The following POLRMT variants were observed in gnomAD, a reference collection of about 807,000 sequenced individuals.
POLRMT encodes the protein RNA polymerase mitochondrial.
Under a neutral mutation model 132.2 loss-of-function variants are expected in POLRMT, and 114 were observed. The ratio of observed to expected loss-of-function variants is 0.86; its 90% CI spans 0.74 to 1.01. The LOEUF (loss-of-function observed/expected upper bound fraction) is 1.01. POLRMT is among the 50% of genes least tolerant of loss of function. The pLI, the probability that POLRMT is intolerant of heterozygous loss-of-function variation, is 0.00. For synonymous variants in POLRMT, 1,020 were observed against 773.4 expected, an observed-to-expected ratio of 1.32 and a Z score of -5.29; for missense variants, 2,003 against 1,729.1, an observed-to-expected ratio of 1.16 and a Z score of -2.81.
At chr19:630,683 A>AC (rs944403475) in intron 2 of POLRMT, among the ~76,000 whole-genome samples, 9 of 150,410 alleles carry the variant, frequency 6.0e-5, no homozygotes, top group African/African-American at 9.8e-5. Context: ...CCTCAGCAAG[A>AC]CCCCCCCAGC....
intron 12 of POLRMT, 57 bp downstream of exon 12, chr19:619,899 ACT>A (rs2144590351): frequency 1.3e-6 from 2 of 1,595,302 alleles, no homozygotes. Flanking sequence ...TGGGGCCGAG[ACT>A]CAGGGCTCAC....
chr19:624,324 G>A (rs1458345395), intron 5 of POLRMT, among the ~76,000 whole-genome samples: 2 of 152,172 alleles, frequency 1.3e-5, no homozygotes, highest in African/African-American at 4.8e-5. Context: ...TTCCTTTTAG[G>A]GTGATGGAAC....
At chr19:632,300 G>A (rs55860433) in intron 2 of POLRMT, among the ~76,000 whole-genome samples, 12,292 of 152,286 alleles carry the variant, frequency 0.081, 804 homozygotes, top group East Asian at 0.29. Context: ...GACGCAGACA[G>A]GATGTGGGAC....
rs1172880083 is a variant in POLRMT at position 624,920 on chromosome 19, G to A, written c.954-15C>T. The A allele has an allele frequency of 1.9e-6, 3 of 1,594,542 alleles. No individual in the cohort carries two copies. Among genetic ancestry groups the A allele is most frequent in the Middle Eastern group, 1.7e-4 (1 of 5,998 alleles). ...GTTCCAGACACCTGTGGTGCAGGCG[G>A]CCTGCTCGAGGGACGGGCCAGCCCC... On this transcript the variant is annotated splice_polypyrimidine_tract_variant and intron_variant, in intron 4 of 20. Coordinates refer to ENST00000588649, the MANE Select transcript of POLRMT (RefSeq NM_005035.4).
In POLRMT at chr19:619,618, T is replaced by C. The variant is rs755635520; in HGVS notation, c.3034A>G (p.Lys1012Glu). 4.0e-5 allele frequency: 65 copies of C among 1,610,812 alleles called. No homozygotes were observed. Among genetic ancestry groups the C allele is most frequent in the Admixed American group, 3.3e-5 (2 of 59,960 alleles). The change falls in exon 13 of 21, where the codon AAG (lysine) becomes GAG (glutamate). Residue 1012 changes from lysine (K) to glutamate (E), a missense_variant. By Grantham distance (56) the Lys-to-Glu change is moderately conservative. Transcript: ENST00000588649. The part of the protein sequence containing the change: ...TRYGGRLQIE[K>E]RLRELSDFPQ... ...AAGTCGCTCAGCTCCCGGAGGCGCT[T>C]CTCAATCTGCAGGCGCCCGCCATAG...
At position 623,109 on chromosome 19, in the gene POLRMT, C is replaced by A. The variant is rs1362778788; in HGVS notation, c.1291-124G>T. ...CCCTCAAGGTCCCTGCTGTGTGTTC[C>A]GGGTAGCTCCTCACCCCGGCCTGCC... On this transcript the variant is annotated intron_variant, in intron 6 of 20. Coordinates refer to ENST00000588649, the MANE Select transcript of POLRMT (RefSeq NM_005035.4). 1.0e-5 allele frequency: 13 copies of A among 1,247,360 alleles called. No homozygotes were observed. The Admixed American group carries it at 3.2e-4, about 31-fold the overall frequency. The allele number at this position is 1,247,360 out of a possible 1,614,324, so 77.3% of individuals were successfully genotyped here. A position where few individuals can be genotyped will look rare whatever the true frequency, so the allele number is the denominator to read the frequency against.
rs369286382 is a variant in POLRMT at position 618,596 on chromosome 19, G to C, written c.3324-10C>G. On this transcript the variant is annotated splice_polypyrimidine_tract_variant and intron_variant, in intron 16 of 20. Coordinates refer to ENST00000588649, the MANE Select transcript of POLRMT (RefSeq NM_005035.4). ...ACGTGTGTTGGGCTTTCTGAGGACG[G>C]AACAGGTGCCGGTGGGGGCGGCCCA... The C allele has an allele frequency of 4.4e-6, 7 of 1,608,262 alleles. No homozygotes were observed. The highest frequency in any genetic ancestry group is 6.0e-6 in the Non-Finnish European group (7 of 1,175,584).
At chr19:627,792 G>A (rs1985128930) in intron 3 of POLRMT, among the ~76,000 whole-genome samples, 1 of 151,904 alleles carries the variant, frequency 6.6e-6, no homozygotes. Flanking sequence ...GGGCGTGGTG[G>A]TGAGTCCCTG....
chr19:631,885 C>T (rs888075794), intron 2 of POLRMT, among the ~76,000 whole-genome samples: 3 of 152,172 alleles, frequency 2.0e-5, no homozygotes, highest in African/African-American at 7.2e-5. Context: ...AGCGATTTTC[C>T]TGCCTCAGCC....
chr19:632,763 G>C, intron 2 of POLRMT, 71 bp downstream of exon 2: 1 of 1,328,544 alleles, frequency 7.5e-7, no homozygotes, highest in Non-Finnish European at 1.0e-6. Context: ...CAGAATCTGA[G>C]CCTTTGCCTT....
At chr19:619,804 C>CT in intron 12 of POLRMT, 39 bp from the exon 13 acceptor site, 1 of 1,550,756 alleles carries the variant, frequency 6.4e-7, no homozygotes, top group East Asian at 2.3e-5. Flanking sequence ...GTCAGCCCCG[C>CT]TAGCAGCCCA....
rs1329797451 is a variant in POLRMT, at chr19:622,620, A to G, written c.1588T>C (p.Tyr530His). The G allele has an allele frequency of 1.9e-6, 3 of 1,607,566 alleles. No homozygotes were observed. Among genetic ancestry groups the G allele is most frequent in the Admixed American group, 1.7e-5 (1 of 59,690 alleles). ...SGQVQALQNH[Y>H]RKYLCLLASD... ...GCCAGCAAGCAGAGGTACTTCCTGTAGTGGTTCTGCAGCGCCTGCACCTGG... is the reference window on the plus strand; with the variant it reads ...GCCAGCAAGCAGAGGTACTTCCTGTGGTGGTTCTGCAGCGCCTGCACCTGG... The change falls in exon 8 of 21, where the codon TAC (tyrosine) becomes CAC (histidine). Residue 530 changes from tyrosine (Y) to histidine (H), a missense_variant. By Grantham distance (83) the Tyr-to-His change is moderately conservative. Transcript: ENST00000588649.
At position 617,470 on chromosome 19, in the gene POLRMT, T is replaced by C. The variant is rs138715064; in HGVS notation, c.3592A>G (p.Ile1198Val). The C allele has an allele frequency of 1.8e-5, 29 of 1,610,672 alleles. No individual in the cohort carries two copies. The highest frequency in any genetic ancestry group is 1.7e-6 in the Non-Finnish European group (2 of 1,179,388). The change falls in exon 20 of 21, where the codon ATC (isoleucine) becomes GTC (valine). Residue 1198 changes from isoleucine (I) to valine (V), a missense_variant. Ile to Val is a conservative substitution (Grantham distance 29). Coordinates refer to ENST00000588649, the MANE Select transcript of POLRMT (RefSeq NM_005035.4). ...TCCTTCAGCTGGCTGGCCTCCAAGA[T>C]CTTCTGGGGCCTGGGGTTGGAAGCA... ...VKRFCSEPQK[I>V]LEASQLKETL...
At position 617,827 on chromosome 19, in the gene POLRMT, C is replaced by T. The variant is rs1984120651; in HGVS notation, c.3445G>A (p.Val1149Met). ...CYRKGLTFVS[V>M]HDCYWTHAAD... ...GCGTGAGTCCAGTAACAGTCGTGCA[C>T]AGAGACGAAGGTCAGGCCCTTCCTG... is the stretch of plus-strand genomic sequence containing the variant. Residue 1149 changes from valine (V) to methionine (M), a missense_variant, in exon 18 of 21, where the codon GTG becomes ATG. Coordinates refer to ENST00000588649, the MANE Select transcript of POLRMT (RefSeq NM_005035.4). 1 of 1,613,316 alleles carries T rather than the reference C, an allele frequency of 6.2e-7. No homozygotes were observed. The highest frequency in any genetic ancestry group is 8.5e-7 in the Non-Finnish European group (1 of 1,179,926).
chr19:630,937 C>G (rs1004110151), intron 2 of POLRMT, among the ~76,000 whole-genome samples: 5 of 152,130 alleles, frequency 3.3e-5, no homozygotes, highest in African/African-American at 1.2e-4. Flanking sequence ...GCAGGAAGAT[C>G]ACCTAAGGTC....
chr19:626,299 A>C (rs2144663241), intron 3 of POLRMT, among the ~76,000 whole-genome samples: 1 of 151,828 alleles, frequency 6.6e-6, no homozygotes, highest in African/African-American at 2.4e-5. Flanking sequence ...CTACAGGCAC[A>C]TGCCACCACA....
chr19:619,463 G>C (rs1464883590), intron 13 of POLRMT, 123 bp downstream of exon 13: 1 of 1,412,810 alleles, frequency 7.1e-7, no homozygotes. Flanking sequence ...AGCCCTAACA[G>C]GCAGCCAGTG....
At chr19:622,511 GC>G in intron 8 of POLRMT, 70 bp downstream of exon 8, 1 of 1,502,026 alleles carries the variant, frequency 6.7e-7, no homozygotes, top group Admixed American at 2.2e-5. Flanking sequence ...TGCAAACCCG[GC>G]TGCTCCAGGG....
Position 629,646 on chromosome 19 carries a change from AGC to A in POLRMT, c.714_715del (p.Gln238HisfsTer103). 1 of 1,610,388 alleles carries A rather than the reference AGC, an allele frequency of 6.2e-7. No individual in the cohort carries two copies. Among genetic ancestry groups the A allele is most frequent in the Non-Finnish European group, 8.5e-7 (1 of 1,179,524 alleles). On this transcript the variant is annotated frameshift_variant, in exon 3 of 21. Transcript: ENST00000588649. LOFTEE classifies it high-confidence loss of function. Reference sequence around the variant, plus strand: ...GACCAGCAGGTGGTGGGCGAGGGGCAGCTGGTCAGTGAGCAGGCAGCACTTGA... The same window carrying A: ...GACCAGCAGGTGGTGGGCGAGGGGCATGGTCAGTGAGCAGGCAGCACTTGA...
Sources: allele counts gnomAD v4.1 joint callset (sites outside exome capture counted in the v4.1 genomes callset), GRCh38; gene constraint gnomAD v4.1.1; transcripts MANE v1.5; gene names NCBI Gene and HGNC (gene_info 2026-07-23, HGNC 2026-07-21).